The following CCDC3 variants were observed in gnomAD, a reference collection of about 807,000 sequenced individuals.
The protein encoded by CCDC3 is coiled-coil domain containing 3, also known as coiled-coil domain-containing protein 3.
A neutral mutation model predicts 21.4 loss-of-function variants in CCDC3; 24 were observed. The observed-to-expected ratio is 1.12, with a 90% confidence interval of 0.81 to 1.58. The LOEUF is 1.58. Ranked by LOEUF, CCDC3 falls within the 40% of genes most tolerant of loss-of-function variation. CCDC3 has a pLI of 0.00. For missense variants in CCDC3, 425 were observed against 360.9 expected (o/e 1.18, Z -1.44); for synonymous variants, 186 against 166.0 (o/e 1.12, Z -0.93).
At position 13,017,946 on chromosome 10, in the gene CCDC3, C is replaced by T. The variant is rs528545340; in HGVS notation, c.-1-19434G>A. On this transcript the variant is annotated intron_variant, in intron 5 of 6. Coordinates refer to the CCDC3 transcript ENST00000378839. ...TCAATTAAATGTCCATGTAACTAAC[C>T]GGGCTAAGATTAAGCATGCCAGGGT... is the stretch of plus-strand genomic sequence containing the variant. Among the ~76,000 whole-genome samples the T allele has an allele frequency of 9.2e-5, 14 of 152,056 alleles. No homozygotes were observed. In the East Asian group the frequency reaches 1.7e-3, roughly 19 times the overall value.
intron 4 of CCDC3, among the ~76,000 whole-genome samples, chr10:13,063,197 C>T (rs2131434027): frequency 6.6e-6 from 1 of 152,176 alleles, no homozygotes; most frequent in East Asian, 1.9e-4. Flanking sequence ...ACACAGCCGG[C>T]TCTGTGTGAA....
chr10:13,047,562 C>G (rs1007363092), intron 5 of CCDC3, among the ~76,000 whole-genome samples: 2 of 152,116 alleles, frequency 1.3e-5, no homozygotes, highest in Non-Finnish European at 1.5e-5. Context: ...CAAAATTTCC[C>G]AAACTAACCT....
chr10:12,938,526 G>A (rs1169573750), intron 2 of CCDC3, among the ~76,000 whole-genome samples: 9 of 152,170 alleles, frequency 5.9e-5, no homozygotes, highest in Admixed American at 2.6e-4. Context: ...GCCTGGGTAC[G>A]AATCCCAGCT....
chr10:12,998,689 A>G (rs1835801465), intron 1 of CCDC3, among the ~76,000 whole-genome samples, 177 bp from the exon 2 acceptor site: 1 of 152,122 alleles, frequency 6.6e-6, no homozygotes, highest in African/African-American at 2.4e-5. Context: ...ACATCAGTCT[A>G]TCCTTAAGGT....
At chr10:13,006,882 A>G (rs1433842824) in intron 5 of CCDC3, among the ~76,000 whole-genome samples, 3 of 152,194 alleles carry the variant, frequency 2.0e-5, no homozygotes, top group Admixed American at 2.0e-4. Context: ...TTTTGCTGTT[A>G]CATAGATCAG....
intron 1 of CCDC3, among the ~76,000 whole-genome samples, chr10:12,998,777 C>T (rs561114607): frequency 5.3e-5 from 8 of 152,254 alleles, no homozygotes; most frequent in African/African-American, 1.9e-4. Context: ...TGTTGTCTTC[C>T]AAGTCCCCCA....
intron 3 of CCDC3, among the ~76,000 whole-genome samples, chr10:13,088,818 T>A (rs1257513724): frequency 6.6e-6 from 1 of 151,542 alleles, no homozygotes; most frequent in African/African-American, 2.4e-5. Flanking sequence ...AGGTCAGGAG[T>A]TCGAGACCAG....
At chr10:12,908,354 A>T (rs1434466747) in intron 2 of CCDC3, among the ~76,000 whole-genome samples, 3 of 152,164 alleles carry the variant, frequency 2.0e-5, no homozygotes, top group Admixed American at 6.5e-5. Flanking sequence ...CCCAGATCTC[A>T]TCGGTCTCTG....
chr10:13,018,760 G>A lies in CCDC3; in HGVS notation c.-1-20248C>T, dbSNP rs577864221. ...AGCCTGGCCAATATGGCGAAACCCC[G>A]TCTCTACTAAAAATACAAAAAAAAT... is the stretch of plus-strand genomic sequence containing the variant. On this transcript the variant is annotated intron_variant, in intron 5 of 6. Transcript: ENST00000378839. 8.4e-4 allele frequency among the ~76,000 whole-genome samples: 128 copies of A among 151,626 alleles called. 1 individual carries two copies. Among genetic ancestry groups the A allele is most frequent in the South Asian group, 7.1e-3 (34 of 4,782 alleles).
At chr10:12,925,043 CTG>C (rs1834513554) in intron 2 of CCDC3, among the ~76,000 whole-genome samples, 1 of 152,172 alleles carries the variant, frequency 6.6e-6, no homozygotes, top group Admixed American at 6.6e-5. Context: ...CCAGAAGCCT[CTG>C]TGTGTTGAAG....
At chr10:13,085,925 C>T (rs1178462680) in intron 3 of CCDC3, among the ~76,000 whole-genome samples, 1 of 149,566 alleles carries the variant, frequency 6.7e-6, no homozygotes, top group Non-Finnish European at 1.5e-5. Context: ...CAAAATTGTG[C>T]AACTGCACTC....
At chr10:13,086,558 T>G (rs527952396) in intron 3 of CCDC3, among the ~76,000 whole-genome samples, 15 of 152,278 alleles carry the variant, frequency 9.9e-5, no homozygotes, top group African/African-American at 3.4e-4. Context: ...CCGGTTCTCC[T>G]GCCTCAGCCT....
chr10:13,068,239 A>T (rs1235368066), intron 4 of CCDC3, among the ~76,000 whole-genome samples: 4 of 152,154 alleles, frequency 2.6e-5, no homozygotes, highest in Non-Finnish European at 5.9e-5. Flanking sequence ...CCTGTCTCTT[A>T]AAAGGCAACA....
chr10:12,973,993 G>A (rs548033286), intron 2 of CCDC3, among the ~76,000 whole-genome samples: 1 of 152,278 alleles, frequency 6.6e-6, no homozygotes, highest in Admixed American at 6.5e-5. Flanking sequence ...GGCACCTATG[G>A]TTGTGAAGAT....
At chr10:12,992,787 C>A (rs1393776963) in intron 2 of CCDC3, among the ~76,000 whole-genome samples, 4 of 152,024 alleles carry the variant, frequency 2.6e-5, no homozygotes, top group Admixed American at 6.6e-5. Context: ...CCACCTGTTC[C>A]CTAGAACTGA....
At chr10:13,010,118 T>C (rs11599708) in intron 5 of CCDC3, among the ~76,000 whole-genome samples, 22,923 of 152,002 alleles carry the variant, frequency 0.15, 1,994 homozygotes, top group Admixed American at 0.23. Context: ...TGTGGTGGCA[T>C]GTGCCTGTAG....
At chr10:12,983,153 T>C (rs1195777400) in intron 2 of CCDC3, among the ~76,000 whole-genome samples, 3 of 62,780 alleles carry the variant, frequency 4.8e-5, no homozygotes, top group African/African-American at 1.7e-4. Flanking sequence ...TATATATATA[T>C]ATATATATAT....
At chr10:13,004,170 C>T (rs925205488), upstream of CCDC3, among the ~76,000 whole-genome samples, 2 of 152,086 alleles carry the variant, frequency 1.3e-5, no homozygotes, top group Non-Finnish European at 2.9e-5. Context: ...GTGGATAGTA[C>T]CGTATATGTA....
chr10:12,927,204 A>G (rs577563802), intron 2 of CCDC3, among the ~76,000 whole-genome samples: 5 of 152,344 alleles, frequency 3.3e-5, no homozygotes, highest in Admixed American at 3.3e-4. Context: ...CACTACTACA[A>G]GAATTCTAGC....
Sources: allele counts gnomAD v4.1 joint callset (sites outside exome capture counted in the v4.1 genomes callset), GRCh38; gene constraint gnomAD v4.1.1; transcripts MANE v1.5; gene names NCBI Gene and HGNC (gene_info 2026-07-23, HGNC 2026-07-21).